ACO2: variants seen among roughly 807,000 people sequenced by gnomAD.
ACO2 encodes aconitase 2, also known as aconitate hydratase, mitochondrial.
Under a neutral mutation model 84.5 loss-of-function variants are expected in ACO2, and 31 were observed. That is an observed-to-expected ratio of 0.37 (90% CI 0.28 to 0.50). The LOEUF is 0.50. Among genes scored for constraint, ACO2 ranks in the 20% least tolerant of loss-of-function variants. The pLI is 0.97. For missense variants in ACO2, 685 were observed against 1,029.3 expected (o/e 0.67, Z 4.58); for synonymous variants, 414 against 412.7 (o/e 1.00, Z -0.04).
intron 2 of ACO2, among the ~76,000 whole-genome samples, chr22:41,501,706 G>A (rs531690720): frequency 6.6e-6 from 1 of 152,282 alleles, no homozygotes; most frequent in Non-Finnish European, 1.5e-5. Flanking sequence ...CAACCATGCA[G>A]TGCATGAGTG....
intron 7 of ACO2, among the ~76,000 whole-genome samples, chr22:41,518,149 G>A (rs1313316972): frequency 2.0e-5 from 3 of 152,194 alleles, no homozygotes; most frequent in Non-Finnish European, 4.4e-5. Flanking sequence ...GGGGCCATGG[G>A]GAGAGCCGTA....
intron 9 of ACO2, among the ~76,000 whole-genome samples, chr22:41,521,035 C>CAAAAA (rs375633363): frequency 1.8e-4 from 15 of 81,562 alleles, no homozygotes; most frequent in African/African-American, 4.9e-4. Flanking sequence ...AGCCTGCCTC[C>CAAAAA]AAAAAAAAAA....
intron 1 of ACO2, among the ~76,000 whole-genome samples, chr22:41,495,553 C>T (rs906948383): frequency 6.6e-6 from 1 of 152,030 alleles, no homozygotes; most frequent in African/African-American, 2.4e-5. Flanking sequence ...TTTCCCGGTA[C>T]TATAGATAAG....
rs2066606238 is a variant in ACO2, at chr22:41,526,743, A to G, written c.1953+290A>G. The G allele has an allele frequency of 1.0e-5, 4 of 384,024 alleles. No individual in the cohort carries two copies. The East Asian group carries it at 1.3e-4, about 13-fold the overall frequency. The allele number at this position is 384,024 out of a possible 1,614,324, so 23.8% of individuals were successfully genotyped here. On this transcript the variant is annotated intron_variant, in intron 15 of 17. Coordinates refer to ENST00000216254, the MANE Select transcript of ACO2 (RefSeq NM_001098.3). The stretch of plus-strand genomic sequence containing the variant: ...AGGAAGGGGGCCGACTCAGGAAGTC[A>G]GAGGCCAAAAGCTCAGAGAGGGGGC...
chr22:41,472,932 C>A (rs1411490097), intron 1 of ACO2, among the ~76,000 whole-genome samples: 1 of 152,146 alleles, frequency 6.6e-6, no homozygotes, highest in African/African-American at 2.4e-5. Flanking sequence ...AGTCATGTAA[C>A]CTCTTGCATA....
intron 1 of ACO2, among the ~76,000 whole-genome samples, chr22:41,496,115 C>G: frequency 6.6e-6 from 1 of 151,480 alleles, no homozygotes; most frequent in East Asian, 2.0e-4. Context: ...AGTTTGAGAC[C>G]AGCCTGGGCA....
intron 4 of ACO2, among the ~76,000 whole-genome samples, chr22:41,512,665 G>A (rs1601914060): frequency 6.6e-6 from 1 of 152,214 alleles, no homozygotes; most frequent in East Asian, 1.9e-4. Flanking sequence ...TCTGTAGGGT[G>A]AAGGTACCAT....
At chr22:41,513,305 G>A (rs190309896) in intron 4 of ACO2, among the ~76,000 whole-genome samples, 3 of 152,334 alleles carry the variant, frequency 2.0e-5, no homozygotes, top group Non-Finnish European at 2.9e-5. Flanking sequence ...ATCTGCCACC[G>A]GCTAGCTGCT....
At chr22:41,527,578 C>T (rs2066628247) in intron 16 of ACO2, 158 bp downstream of exon 16, 6 of 1,062,146 alleles carry the variant, frequency 5.6e-6, no homozygotes, top group Non-Finnish European at 8.0e-6. Flanking sequence ...ACACAGTGCA[C>T]ATCCGACGCT....
At chr22:41,526,106 C>T (rs1285766995) in intron 14 of ACO2, 156 bp from the exon 15 acceptor site, 1 of 637,142 alleles carries the variant, frequency 1.6e-6, no homozygotes, top group Non-Finnish European at 2.7e-6. Flanking sequence ...GGTGGAAGCA[C>T]CAGGACCACA....
At chr22:41,523,799 A>G in intron 11 of ACO2, 31 bp from the exon 12 acceptor site, 1 of 1,586,912 alleles carries the variant, frequency 6.3e-7, no homozygotes, top group Non-Finnish European at 8.6e-7. Flanking sequence ...AAGGCCAGAT[A>G]TCCCTAACCC....
Position 41,524,912 on chromosome 22 carries a change from A to G in ACO2, c.1549A>G (p.Thr517Ala), listed in dbSNP as rs766008410. 1 of 1,614,182 alleles carries G rather than the reference A, an allele frequency of 6.2e-7. No homozygotes were observed. Among genetic ancestry groups the G allele is most frequent in the East Asian group, 2.2e-5 (1 of 44,884 alleles). ...CCCAGAGACCGACTACCTGACGGGC[A>G]CGGATGGCAAGAAGTTCAGGCTGGA... is the stretch of plus-strand genomic sequence containing the variant. ...FNPETDYLTG[T>A]DGKKFRLEAP... The change falls in exon 13 of 18, where the codon ACG (threonine) becomes GCG (alanine). Residue 517 changes from threonine (T) to alanine (A), a missense_variant. Thr to Ala is a moderately conservative substitution (Grantham distance 58). Transcript: ENST00000216254.
In ACO2 at chr22:41,525,108, G is replaced by C. The variant is rs1349482636; in HGVS notation, c.1606-85G>C. 11 of 1,593,628 alleles carry C rather than the reference G, an allele frequency of 6.9e-6. No homozygotes were observed. The African/African-American group carries it at 1.3e-4, about 19-fold the overall frequency. On this transcript the variant is annotated intron_variant, in intron 13 of 17. Coordinates refer to ENST00000216254, the MANE Select transcript of ACO2 (RefSeq NM_001098.3). ...CTCTGTTCCCTGGGAGGGGAGGTGG[G>C]GCCCGAGGAAACTTGCCTTCTGAGA...
At chr22:41,495,020 C>T (rs2066303269) in intron 1 of ACO2, among the ~76,000 whole-genome samples, 1 of 151,574 alleles carries the variant, frequency 6.6e-6, no homozygotes, top group Non-Finnish European at 1.5e-5. Context: ...AGGCGTGAGT[C>T]TCCACGCCCA....
In ACO2 at chr22:41,502,909, CT is replaced by C. The variant is rs112780999; in HGVS notation, c.173+3058del. ...ACAGGTGTGAGCCACTGCGCCTGGC[CT>C]TTTTTTTTTTAATTAATAAAAAAAT... On this transcript the variant is annotated intron_variant, in intron 2 of 17. Transcript: ENST00000216254. Among the ~76,000 whole-genome samples the C allele has an allele frequency of 4.4e-4, 64 of 146,334 alleles. 2 individuals are homozygous for C. The highest frequency in any genetic ancestry group is 3.6e-3 in the Middle Eastern group (1 of 280).
intron 14 of ACO2, chr22:41,525,661 AGT>A (rs1236777982): frequency 5.0e-5 from 18 of 362,532 alleles, no homozygotes; most frequent in Admixed American, 2.9e-4. Context: ...GGGCTGGGAC[AGT>A]GTGTGTGATT....
intron 2 of ACO2, among the ~76,000 whole-genome samples, chr22:41,505,525 G>A (rs547869767): frequency 7.9e-5 from 12 of 152,186 alleles, no homozygotes; most frequent in East Asian, 3.9e-4. Flanking sequence ...GTAGATTAGC[G>A]TCAGGAGCAC....
intron 1 of ACO2, among the ~76,000 whole-genome samples, chr22:41,470,970 G>A (rs1398933854): frequency 6.6e-6 from 1 of 152,228 alleles, no homozygotes; most frequent in Admixed American, 6.5e-5. Flanking sequence ...GAACTTGGAA[G>A]AGAAGAATAG....
At chr22:41,508,979 C>G (rs2066414576) in intron 3 of ACO2, among the ~76,000 whole-genome samples, 1 of 152,212 alleles carries the variant, frequency 6.6e-6, no homozygotes, top group African/African-American at 2.4e-5. Context: ...TCACTCAGAC[C>G]CTCTCTTCCA....
Sources: gnomAD v4.1 joint callset for allele counts (sites outside exome capture counted in the v4.1 genomes callset) on GRCh38, gnomAD v4.1.1 for gene constraint, MANE v1.5 for transcripts, NCBI Gene and HGNC (gene_info 2026-07-23, HGNC 2026-07-21) for gene names.